The following MTUS2 variants were observed in gnomAD, a reference collection of about 807,000 sequenced individuals.
MTUS2 encodes microtubule-associated tumor suppressor candidate 2.
In MTUS2, 40 loss-of-function variants were observed where a neutral mutation model predicts 114.1. The ratio of observed to expected loss-of-function variants is 0.35; its 90% CI spans 0.27 to 0.46. The LOEUF (loss-of-function observed/expected upper bound fraction) is 0.46, where lower values mean the gene tolerates loss of function less well. Ranked by LOEUF, MTUS2 falls within the 20% of genes least tolerant of loss-of-function variation. MTUS2 has a pLI of 1.00. For synonymous variants in MTUS2, 688 were observed against 672.0 expected, an observed-to-expected ratio of 1.02 and a Z score of -0.37; for missense variants, 1,679 against 1,705.4, an observed-to-expected ratio of 0.98 and a Z score of 0.27.
At chr13:28,864,875 T>C (rs1877199726) in intron 2 of MTUS2, among the ~76,000 whole-genome samples, 1 of 152,246 alleles carries the variant, frequency 6.6e-6, no homozygotes, top group Non-Finnish European at 1.5e-5. Flanking sequence ...TGTCCTTTTT[T>C]GTTTTTTTAA....
chr13:29,301,918 C>T (rs1313246610), intron 6 of MTUS2, among the ~76,000 whole-genome samples: 1 of 152,146 alleles, frequency 6.6e-6, no homozygotes, highest in Non-Finnish European at 1.5e-5. Flanking sequence ...TTGCTGTGTC[C>T]TCACCTGGTA....
At chr13:29,361,412 A>G (rs1378115765) in intron 8 of MTUS2, among the ~76,000 whole-genome samples, 1 of 152,150 alleles carries the variant, frequency 6.6e-6, no homozygotes, top group Non-Finnish European at 1.5e-5. Context: ...TCTCTACGCT[A>G]TCTTTCTCTC....
chr13:29,127,678 C>T (rs747579052), intron 5 of MTUS2, among the ~76,000 whole-genome samples: 8 of 152,194 alleles, frequency 5.3e-5, no homozygotes, highest in Non-Finnish European at 1.2e-4. Context: ...CTGATTCTGT[C>T]TCTGGACAGG....
chr13:29,444,778 A>G (rs1477801559), intron 9 of MTUS2, among the ~76,000 whole-genome samples: 1 of 152,162 alleles, frequency 6.6e-6, no homozygotes, highest in Non-Finnish European at 1.5e-5. Flanking sequence ...GTGGGTGGGG[A>G]AAAGTGCAGA....
intron 6 of MTUS2, among the ~76,000 whole-genome samples, chr13:29,306,054 A>G (rs969357314): frequency 9.2e-5 from 14 of 152,236 alleles, no homozygotes; most frequent in Non-Finnish European, 4.4e-5. Flanking sequence ...TATCTCTAAT[A>G]GATTCAGAAA....
At chr13:29,470,075 A>G (rs1036738133) in intron 9 of MTUS2, among the ~76,000 whole-genome samples, 1 of 152,126 alleles carries the variant, frequency 6.6e-6, no homozygotes, top group African/African-American at 2.4e-5. Context: ...TCACCTTAGT[A>G]CAGCCAAATC....
chr13:29,462,710 A>G (rs1879593716), intron 9 of MTUS2, among the ~76,000 whole-genome samples: 2 of 152,178 alleles, frequency 1.3e-5, no homozygotes, highest in Admixed American at 6.5e-5. Flanking sequence ...GCTAGAGGAC[A>G]TCATAGGAAG....
rs1474080434 is a variant in MTUS2 at position 29,194,340 on chromosome 13, A to C, written c.2645-87364A>C. Among the ~76,000 whole-genome samples, 21 of 151,728 alleles carry C rather than the reference A, an allele frequency of 1.4e-4. No homozygotes were observed. The East Asian group carries it at 3.5e-3, about 25-fold the overall frequency. On this transcript the variant is annotated intron_variant, in intron 5 of 15. Coordinates refer to ENST00000612955, the MANE Select transcript of MTUS2 (RefSeq NM_001033602.4). ...AAATGGGAGAAAATTTTCGCAACCT[A>C]CTCATCTGACAAAGGGCTAATATCC... is the stretch of plus-strand genomic sequence containing the variant.
intron 9 of MTUS2, among the ~76,000 whole-genome samples, chr13:29,461,498 C>T (rs942713495): frequency 1.3e-5 from 2 of 152,228 alleles, no homozygotes; most frequent in Non-Finnish European, 2.9e-5. Flanking sequence ...ATACCTCACA[C>T]ATATACAGAC....
Position 28,824,593 on chromosome 13 carries a change from A to G in MTUS2, c.-316+3982A>G, listed in dbSNP as rs572288176. On this transcript the variant is annotated intron_variant, in intron 1 of 15. Transcript: ENST00000612955. ...CTGAATTGGAGTTGAGCTCAGTTCTATACTGAAGTCTCTTTCTCTCACTGC... is the reference window on the plus strand; with the variant it reads ...CTGAATTGGAGTTGAGCTCAGTTCTGTACTGAAGTCTCTTTCTCTCACTGC... Among the ~76,000 whole-genome samples the G allele has an allele frequency of 5.3e-5, 8 of 152,022 alleles. No homozygotes were observed. In the South Asian group the frequency reaches 1.3e-3, roughly 24 times the overall value.
chr13:29,199,506 A>G (rs1160494565), intron 5 of MTUS2, among the ~76,000 whole-genome samples: 3 of 152,170 alleles, frequency 2.0e-5, no homozygotes, highest in African/African-American at 7.2e-5. Context: ...TGATTTGCAT[A>G]TGTTGAACCA....
chr13:29,443,440 T>C (rs994964301), intron 9 of MTUS2, among the ~76,000 whole-genome samples: 2 of 152,166 alleles, frequency 1.3e-5, no homozygotes, highest in African/African-American at 4.8e-5. Flanking sequence ...TTACATTGAG[T>C]TTTGGGTTGA....
At chr13:29,313,720 G>C (rs1485806952) in intron 6 of MTUS2, among the ~76,000 whole-genome samples, 1 of 152,106 alleles carries the variant, frequency 6.6e-6, no homozygotes, top group Non-Finnish European at 1.5e-5. Context: ...TAAGTGTCCA[G>C]CATAATGGAT....
intron 2 of MTUS2, among the ~76,000 whole-genome samples, chr13:28,994,151 G>T (rs1407943747): frequency 6.6e-6 from 1 of 152,090 alleles, no homozygotes; most frequent in Non-Finnish European, 1.5e-5. Flanking sequence ...AACATGCAGT[G>T]TTTGGTTTTT....
At chr13:28,841,862 T>C (rs1187464656) in intron 2 of MTUS2, among the ~76,000 whole-genome samples, 3 of 152,158 alleles carry the variant, frequency 2.0e-5, no homozygotes, top group African/African-American at 7.2e-5. Flanking sequence ...AGATTTTGTA[T>C]TTTTAGTAGA....
chr13:28,936,912 C>T (rs149319724), intron 2 of MTUS2, among the ~76,000 whole-genome samples: 16 of 152,196 alleles, frequency 1.1e-4, no homozygotes, highest in East Asian at 7.7e-4. Context: ...TTGGGAGTTC[C>T]GGTTTGTTCC....
chr13:29,054,444 C>T (rs1190610715), intron 4 of MTUS2, among the ~76,000 whole-genome samples: 2 of 151,928 alleles, frequency 1.3e-5, no homozygotes, highest in East Asian at 1.9e-4. Context: ...ATGTACCTTA[C>T]TTAAATAAGG....
intron 8 of MTUS2, among the ~76,000 whole-genome samples, chr13:29,412,432 A>G (rs915105217): frequency 6.6e-6 from 1 of 152,150 alleles, no homozygotes; most frequent in South Asian, 2.1e-4. Flanking sequence ...ATTGGTCACA[A>G]TGTATTATTT....
At chr13:28,894,329 G>GGA (rs781653092) in intron 2 of MTUS2, among the ~76,000 whole-genome samples, 51 of 60,868 alleles carry the variant, frequency 8.4e-4, no homozygotes, top group Middle Eastern at 7.5e-3. Context: ...AGGGAGGGAG[G>GGA]GAGAGAGAGA....
Sources: gnomAD v4.1 joint callset for allele counts (sites outside exome capture counted in the v4.1 genomes callset) on GRCh38, gnomAD v4.1.1 for gene constraint, MANE v1.5 for transcripts, NCBI Gene and HGNC (gene_info 2026-07-23, HGNC 2026-07-21) for gene names.